The following PTK7 variants were observed in gnomAD, a reference collection of about 807,000 sequenced individuals.
The protein encoded by PTK7 is inactive tyrosine-protein kinase 7.
In PTK7, 39 loss-of-function variants were observed where a neutral mutation model predicts 116.6. The observed-to-expected ratio is 0.33, with a 90% confidence interval of 0.26 to 0.44. The LOEUF is 0.44. Ranked by LOEUF, PTK7 falls within the 20% of genes least tolerant of loss-of-function variation. The pLI is 1.00. For synonymous variants in PTK7, 546 were observed against 563.6 expected, an observed-to-expected ratio of 0.97 and a Z score of 0.44; for missense variants, 1,169 against 1,425.6, an observed-to-expected ratio of 0.82 and a Z score of 2.90.
chr6:43,155,609 A>G (rs1771380277), intron 17 of PTK7, among the ~76,000 whole-genome samples: 1 of 151,636 alleles, frequency 6.6e-6, no homozygotes, highest in African/African-American at 2.4e-5. Flanking sequence ...AGATCAGGCC[A>G]CTGCACTCCA....
At chr6:43,080,277 G>C (rs773805922) in intron 1 of PTK7, among the ~76,000 whole-genome samples, 1 of 151,972 alleles carries the variant, frequency 6.6e-6, no homozygotes, top group Non-Finnish European at 1.5e-5. Context: ...GCGTGAACCC[G>C]GGAGGCAGAG....
chr6:43,133,933 G>A (rs181790214), intron 7 of PTK7, among the ~76,000 whole-genome samples: 4 of 152,362 alleles, frequency 2.6e-5, no homozygotes, highest in East Asian at 1.9e-4. Context: ...CACAGCACAT[G>A]TGTAACGAGT....
At chr6:43,087,805 T>C (rs745347616) in intron 1 of PTK7, among the ~76,000 whole-genome samples, 1 of 152,196 alleles carries the variant, frequency 6.6e-6, no homozygotes, top group Non-Finnish European at 1.5e-5. Context: ...AGCACTTTAA[T>C]CTAAGGGCTG....
At chr6:43,122,646 A>G (rs185952484) in intron 1 of PTK7, among the ~76,000 whole-genome samples, 171 of 136,662 alleles carry the variant, frequency 1.3e-3, no homozygotes, top group African/African-American at 4.5e-3. Context: ...TTGCTCTGTC[A>G]CCCAGGCTGG....
intron 1 of PTK7, among the ~76,000 whole-genome samples, chr6:43,095,043 C>G (rs1041695678): frequency 6.9e-6 from 1 of 145,520 alleles, no homozygotes; most frequent in African/African-American, 2.6e-5. Flanking sequence ...GACTCTGTCT[C>G]AAAATAATAA....
At chr6:43,160,326 GT>G (rs1771772907) in intron 19 of PTK7, among the ~76,000 whole-genome samples, 1 of 152,126 alleles carries the variant, frequency 6.6e-6, no homozygotes, top group Admixed American at 6.6e-5. Context: ...CACCATGTTG[GT>G]CAGGCTGGTC....
chr6:43,114,859 G>A (rs555355398), intron 1 of PTK7, among the ~76,000 whole-genome samples: 4 of 152,150 alleles, frequency 2.6e-5, no homozygotes, highest in Non-Finnish European at 5.9e-5. Context: ...GGCCAACATG[G>A]TGAAACCCTG....
At chr6:43,130,021 A>G (rs531142257) in intron 3 of PTK7, among the ~76,000 whole-genome samples, 192 bp downstream of exon 3, 1 of 152,276 alleles carries the variant, frequency 6.6e-6, no homozygotes, top group Non-Finnish European at 1.5e-5. Context: ...AGTGAGCCAC[A>G]TTGTGTGTAG....
intron 1 of PTK7, among the ~76,000 whole-genome samples, chr6:43,115,716 G>T (rs1420405173): frequency 6.6e-6 from 1 of 151,886 alleles, no homozygotes; most frequent in Non-Finnish European, 1.5e-5. Flanking sequence ...TGGGCAGATT[G>T]CTTGAGGTCA....
At chr6:43,157,339 TATATATATATATATATATA>T (rs1561990008) in intron 17 of PTK7, among the ~76,000 whole-genome samples, 7 of 4,080 alleles carry the variant, frequency 1.7e-3, no homozygotes, top group South Asian at 4.8e-3. Flanking sequence ...TATATATATA[TATATATATATATATATATA>T]TATATATTTT....
At chr6:43,119,457 C>G (rs1451108049) in intron 1 of PTK7, among the ~76,000 whole-genome samples, 1 of 152,186 alleles carries the variant, frequency 6.6e-6, no homozygotes, top group Non-Finnish European at 1.5e-5. Context: ...AGGCTCCACC[C>G]TGGCACTGTT....
rs1438029905 is a variant in PTK7, at chr6:43,146,630, C to T, written c.2653C>T (p.Gln885Ter). 1 of 1,613,544 alleles carries T rather than the reference C, an allele frequency of 6.2e-7. No homozygotes were observed. Among genetic ancestry groups the T allele is most frequent in the Admixed American group, 1.7e-5 (1 of 60,014 alleles). ...GCTTTTCCCTTAGGGAGACCTCAAG[C>T]AGTTCCTGAGGATTTCCAAGAGCAA... ...LEYVDLGDLK[Q>*]FLRISKSKDE... is the part of the protein sequence containing the mutation. Residue 885 changes from glutamine to a stop codon, truncating the protein, a stop_gained, in exon 17 of 20, where the codon CAG (glutamine) becomes TAG (stop). Transcript: ENST00000230419. LOFTEE classifies it high-confidence loss of function.
chr6:43,120,701 A>G (rs1768906738), intron 1 of PTK7, among the ~76,000 whole-genome samples: 1 of 152,060 alleles, frequency 6.6e-6, no homozygotes, highest in Non-Finnish European at 1.5e-5. Flanking sequence ...CAGCCAGTCC[A>G]ATGTTAGGTC....
At position 43,143,563 on chromosome 6, in the gene PTK7, G is replaced by A. The variant is rs767881335; in HGVS notation, c.2194G>A (p.Ala732Thr). ...LMFYCKKRCK[A>T]KRLQKQPEGE... ...GTTCTACTGCAAGAAGCGCTGCAAA[G>A]CCAAGCGGCTGCAGAAGCAGCCCGA... Residue 732 changes from alanine to threonine, a missense_variant, in exon 14 of 20, where the codon GCC (alanine) becomes ACC (threonine). Around this residue, in one of 3 missense-constraint regions of PTK7, gnomAD observed 678 missense variants for 853.8 expected, o/e 0.79. Coordinates refer to ENST00000230419, the MANE Select transcript of PTK7 (RefSeq NM_002821.5). The surrounding 1 kb of genome is among the most constrained non-coding windows in gnomAD (Gnocchi z 4.2). 14 of 1,613,616 alleles carry A rather than the reference G, an allele frequency of 8.7e-6. No homozygotes were observed. Among genetic ancestry groups the A allele is most frequent in the Non-Finnish European group, 1.2e-5 (14 of 1,179,998 alleles).
intron 7 of PTK7, among the ~76,000 whole-genome samples, chr6:43,135,986 G>A (rs1020564187): frequency 2.0e-5 from 3 of 152,096 alleles, no homozygotes; most frequent in Non-Finnish European, 4.4e-5. Context: ...TCAGGAATTC[G>A]AGACCAGCCT....
intron 1 of PTK7, among the ~76,000 whole-genome samples, chr6:43,080,117 C>T (rs1439798531): frequency 1.3e-5 from 2 of 149,802 alleles, no homozygotes; most frequent in South Asian, 4.2e-4. Context: ...CTTTGGGAGG[C>T]TGAGGTGGGC....
chr6:43,135,041 A>G (rs1363165825), intron 7 of PTK7, among the ~76,000 whole-genome samples: 1 of 152,144 alleles, frequency 6.6e-6, no homozygotes, highest in African/African-American at 2.4e-5. Flanking sequence ...CCCAGGCTCT[A>G]GGGGTGGGAC....
At chr6:43,131,028 AT>A (rs1561966805) in intron 5 of PTK7, among the ~76,000 whole-genome samples, 998 of 88,468 alleles carry the variant, frequency 0.011, 13 homozygotes, top group African/African-American at 0.043. Context: ...TGGCAAAGAC[AT>A]CACACACACA....
At chr6:43,156,064 A>G (rs1000464631) in intron 17 of PTK7, among the ~76,000 whole-genome samples, 2 of 151,648 alleles carry the variant, frequency 1.3e-5, no homozygotes, top group Non-Finnish European at 2.9e-5. Context: ...CCCCATCTCT[A>G]CTAAAAATAC....
Sources: allele counts gnomAD v4.1 joint callset (sites outside exome capture counted in the v4.1 genomes callset), GRCh38; gene constraint gnomAD v4.1.1; regional missense constraint gnomAD v4.1.1; non-coding constraint Gnocchi (gnomAD v3.1); transcripts MANE v1.5; gene names NCBI Gene and HGNC (gene_info 2026-07-23, HGNC 2026-07-21).